The following PDS5A variants were observed in gnomAD, a reference collection of about 807,000 sequenced individuals.
The protein encoded by PDS5A is PDS5 cohesin associated factor A.
In PDS5A, 42 loss-of-function variants were observed where a neutral mutation model predicts 167.1. That is an observed-to-expected ratio of 0.25 (90% CI 0.20 to 0.33). PDS5A has a LOEUF of 0.33. Ranked by LOEUF, PDS5A falls within the 10% of genes least tolerant of loss-of-function variation. PDS5A has a pLI of 1.00. For missense variants in PDS5A, 1,033 were observed against 1,605.9 expected (o/e 0.64, Z 6.10); for synonymous variants, 553 against 554.6 (o/e 1.00, Z 0.04).
At chr4:39,863,099 T>C (rs368934616) in intron 24 of PDS5A, 26 bp from the exon 25 acceptor site, 23 of 1,535,358 alleles carry the variant, frequency 1.5e-5, no homozygotes, top group Non-Finnish European at 2.0e-5. Context: ...AAAACTTAAA[T>C]TGGCAACCAT....
intron 4 of PDS5A, 69 bp downstream of exon 4, chr4:39,926,706 A>G: frequency 9.2e-7 from 1 of 1,081,946 alleles, no homozygotes; most frequent in Non-Finnish European, 1.3e-6. Flanking sequence ...TTACATTACA[A>G]AGTTAACATG....
At chr4:39,974,256 C>T in intron 2 of PDS5A, 1 of 553,442 alleles carries the variant, frequency 1.8e-6, no homozygotes, top group Non-Finnish European at 3.7e-6. Context: ...CAAGCTGCTC[C>T]TATACCACCA....
chr4:39,918,807 C>T (rs1365965814), intron 7 of PDS5A, among the ~76,000 whole-genome samples: 1 of 152,024 alleles, frequency 6.6e-6, no homozygotes, highest in Non-Finnish European at 1.5e-5. Context: ...GAGCTGAAAT[C>T]GCACCACTAC....
chr4:39,896,368 T>G (rs1356323606), intron 16 of PDS5A, among the ~76,000 whole-genome samples: 1 of 151,392 alleles, frequency 6.6e-6, no homozygotes, highest in African/African-American at 2.4e-5. Flanking sequence ...TTTTTAGCTT[T>G]TTGACTCTTT....
chr4:39,861,868 G>A (rs1464989982), intron 26 of PDS5A, among the ~76,000 whole-genome samples: 1 of 152,112 alleles, frequency 6.6e-6, no homozygotes, highest in East Asian at 1.9e-4. Context: ...ATGCTCCACT[G>A]TTTTCAGTTC....
chr4:39,863,136 G>A (rs1378042613), intron 24 of PDS5A, 63 bp from the exon 25 acceptor site: 2 of 1,242,288 alleles, frequency 1.6e-6, no homozygotes, highest in Non-Finnish European at 1.2e-6. Flanking sequence ...AGCAGTTTAA[G>A]TATTTTTAGT....
At position 39,925,943 on chromosome 4, in the gene PDS5A, A is replaced by T; in HGVS notation, c.430-10T>A. On this transcript the variant is annotated splice_polypyrimidine_tract_variant and intron_variant, in intron 4 of 32. Transcript: ENST00000303538. Reference sequence around the variant, plus strand: ...TAACCCAAGCTAAATTCTTAAATAAATAAAAATAATTATTGAATTATACAT... The same window carrying T: ...TAACCCAAGCTAAATTCTTAAATAATTAAAAATAATTATTGAATTATACAT... 4.0e-6 allele frequency: 4 copies of T among 1,004,924 alleles called. No individual in the cohort carries two copies. The highest frequency in any genetic ancestry group is 5.7e-6 in the Non-Finnish European group (4 of 704,768). 62.3% of individuals were successfully genotyped at this position (1,004,924 alleles called of 1,614,324 possible). A position where few individuals can be genotyped will look rare whatever the true frequency, so the allele number is the denominator to read the frequency against.
At chr4:39,845,936 T>C (rs1717551408) in intron 28 of PDS5A, 56 bp from the exon 29 acceptor site, 6 of 1,224,226 alleles carry the variant, frequency 4.9e-6, no homozygotes, top group Non-Finnish European at 3.2e-6. Context: ...GGAACATGAG[T>C]ATTTTAATTA....
rs755245778 is a variant in PDS5A, at chr4:39,902,424, G to T, written c.1422C>A (p.Val474=). The change falls in exon 13 of 33, where the codon GTC becomes GTA. Residue 474 remains valine (V), a synonymous_variant. Coordinates refer to ENST00000303538, the MANE Select transcript of PDS5A (RefSeq NM_001100399.2). The part of the protein sequence containing the change: ...LVEKIFAQYL[V]PHNLETEERM... The stretch of plus-strand genomic sequence containing the variant: ...TCTCTTCTGTTTCCAGGTTGTGGGG[G>T]ACAAGATACTGAGCAAAGATTTTCT... The T allele has an allele frequency of 1.3e-6, 2 of 1,585,888 alleles. No individual in the cohort carries two copies. Among genetic ancestry groups the T allele is most frequent in the Non-Finnish European group, 1.7e-6 (2 of 1,160,706 alleles).
At chr4:39,940,477 T>C (rs1325050673) in intron 2 of PDS5A, among the ~76,000 whole-genome samples, 1 of 152,188 alleles carries the variant, frequency 6.6e-6, no homozygotes, top group Non-Finnish European at 1.5e-5. Context: ...ATTTCAGATA[T>C]ATAAGAATCT....
intron 27 of PDS5A, among the ~76,000 whole-genome samples, 200 bp from the exon 28 acceptor site, chr4:39,849,170 A>C (rs1232394386): frequency 6.6e-6 from 1 of 152,212 alleles, no homozygotes; most frequent in Non-Finnish European, 1.5e-5. Flanking sequence ...TTTAACATGG[A>C]TGCCAATATG....
chr4:39,877,092 T>C lies in PDS5A; in HGVS notation c.2054A>G (p.Gln685Arg), dbSNP rs1720519615. The C allele has an allele frequency of 6.2e-7, 1 of 1,608,288 alleles. No homozygotes were observed. Among genetic ancestry groups the C allele is most frequent in the African/African-American group, 1.3e-5 (1 of 74,778 alleles). ...HSAETYESLLQCLRMEDDKVA... is the reference protein window; with the variant it reads ...HSAETYESLLRCLRMEDDKVA... ...CTTGTCATCCTCCATTCTTAGGCAC[T>C]GTAACAAGGACTCATATGTCTCTGC... Residue 685 changes from glutamine (Q) to arginine (R), a missense_variant, in exon 19 of 33, where the codon CAG becomes CGG. Transcript: ENST00000303538.
chr4:39,938,900 T>A (rs963677312), intron 2 of PDS5A, among the ~76,000 whole-genome samples: 2 of 147,498 alleles, frequency 1.4e-5, no homozygotes, highest in East Asian at 2.0e-4. Flanking sequence ...AACCAGGGAG[T>A]CCGAGGTTGC....
chr4:39,869,288 C>T, intron 22 of PDS5A, 106 bp downstream of exon 22: 1 of 764,526 alleles, frequency 1.3e-6, no homozygotes, highest in Non-Finnish European at 2.3e-6. Context: ...CTGAGCAACA[C>T]AGCAAGATCC....
In PDS5A at chr4:39,848,983, AC is replaced by A; in HGVS notation, c.3220-14del. The A allele has an allele frequency of 6.5e-7, 1 of 1,548,152 alleles. No individual in the cohort carries two copies. The highest frequency in any genetic ancestry group is 8.8e-7 in the Non-Finnish European group (1 of 1,137,992). Reference sequence around the variant, plus strand: ...CTGTATACAGTTTCTAGGGAGGAAAACGAATCATATATAACTTTTAGTATTG... The same window carrying A: ...CTGTATACAGTTTCTAGGGAGGAAAAGAATCATATATAACTTTTAGTATTG... On this transcript the variant is annotated splice_polypyrimidine_tract_variant and intron_variant, in intron 27 of 32. Coordinates refer to ENST00000303538, the MANE Select transcript of PDS5A (RefSeq NM_001100399.2).
At chr4:39,968,890 C>T (rs908423475) in intron 2 of PDS5A, among the ~76,000 whole-genome samples, 1 of 151,780 alleles carries the variant, frequency 6.6e-6, no homozygotes, top group Admixed American at 6.6e-5. Context: ...ATTCTACTGC[C>T]CCAGCCTCCT....
At position 39,922,610 on chromosome 4, in the gene PDS5A, T is replaced by C. The variant is rs1241283305; in HGVS notation, c.654+12A>G. The C allele has an allele frequency of 9.7e-6, 15 of 1,542,734 alleles. No homozygotes were observed. Among genetic ancestry groups the C allele is most frequent in the South Asian group, 1.3e-5 (1 of 78,948 alleles). ...TAAACATTAACCTTGAATATCTTCA[T>C]ACTTTACAGACCTTATGTGCAGGAA... On this transcript the variant is annotated intron_variant, in intron 6 of 32. Transcript: ENST00000303538.
At chr4:39,906,269 G>A (rs984526404) in intron 11 of PDS5A, among the ~76,000 whole-genome samples, 2 of 152,116 alleles carry the variant, frequency 1.3e-5, no homozygotes, top group Non-Finnish European at 2.9e-5. Flanking sequence ...TTGGGAGACT[G>A]AGGTGGGAGG....
chr4:39,833,177 G>T (rs1716068582), intron 32 of PDS5A, among the ~76,000 whole-genome samples: 2 of 82,680 alleles, frequency 2.4e-5, no homozygotes, highest in African/African-American at 4.5e-5. Flanking sequence ...GGCCACAAGA[G>T]TGAAACTCCG....
Sources: allele counts gnomAD v4.1 joint callset (sites outside exome capture counted in the v4.1 genomes callset), GRCh38; gene constraint gnomAD v4.1.1; transcripts MANE v1.5; gene names NCBI Gene and HGNC (gene_info 2026-07-23, HGNC 2026-07-21).